INA: variants seen among roughly 807,000 people sequenced by gnomAD.
INA encodes internexin neuronal intermediate filament protein alpha.
Under a neutral mutation model 40.1 loss-of-function variants are expected in INA, and 35 were observed. The observed-to-expected ratio is 0.87, with a 90% CI of 0.67 to 1.16. The LOEUF is 1.16. INA is among the 50% of genes most tolerant of loss of function. The pLI, the probability that INA is intolerant of heterozygous loss-of-function variation, is 0.00. For synonymous variants in INA, 290 were observed against 316.9 expected (o/e 0.92, Z 0.90); for missense variants, 594 against 686.7 (o/e 0.87, Z 1.51).
chr10:103,277,141 C>A lies in INA; in HGVS notation c.-71C>A, dbSNP rs1385765773. On this transcript the variant is annotated 5_prime_UTR_variant, in exon 1 of 3. The change creates a new upstream start codon in the 5' untranslated region. Coordinates refer to ENST00000369849, the MANE Select transcript of INA (RefSeq NM_032727.4). The surrounding 1 kb of genome is among the most constrained non-coding windows in gnomAD (Gnocchi z 5.6). ...GCCGGGCGCACCGCCCCGCCGCGCCCTGCCTGCCGCACCTCTCCTTTCTTC... is the reference window on the plus strand; with the variant it reads ...GCCGGGCGCACCGCCCCGCCGCGCCATGCCTGCCGCACCTCTCCTTTCTTC... 1 of 1,469,264 alleles carries A rather than the reference C, an allele frequency of 6.8e-7. No homozygotes were observed. The highest frequency in any genetic ancestry group is 9.0e-7 in the Non-Finnish European group (1 of 1,117,112). 91.0% of individuals were successfully genotyped at this position (1,469,264 alleles called of 1,614,324 possible).
In INA at chr10:103,278,273, C is replaced by G. The variant is rs762505846; in HGVS notation, c.1062C>G (p.Tyr354Ter). 1 of 1,548,986 alleles carries G rather than the reference C, an allele frequency of 6.5e-7. No individual in the cohort carries two copies. The highest frequency in any genetic ancestry group is 2.0e-5 in the Admixed American group (1 of 51,262). Reference sequence around the variant, plus strand: ...GGCACAGTGCCGAGGTAGCTGGCTACCAGGTAAGGGCCGGGGCTGGGCGTG... The same window carrying G: ...GGCACAGTGCCGAGGTAGCTGGCTAGCAGGTAAGGGCCGGGGCTGGGCGTG... ...EERHSAEVAG[Y>*]QDSIGQLEND... Residue 354 changes from tyrosine (Y) to a stop codon, truncating the protein, a stop_gained, in exon 1 of 3, where the codon TAC becomes TAG. Transcript: ENST00000369849. LOFTEE classifies it high-confidence loss of function. This position sits in a 1 kb window ranked among gnomAD's most constrained non-coding sequence, Gnocchi z 4.9.
intron 1 of INA, among the ~76,000 whole-genome samples, chr10:103,286,335 CAAAAAA>C (rs71019675): frequency 7.7e-5 from 4 of 51,702 alleles, no homozygotes; most frequent in Admixed American, 2.5e-4. Flanking sequence ...GACCTTGTCT[CAAAAAA>C]AAAAAAAAAA....
chr10:103,280,595 G>T, intron 1 of INA: 2 of 985,412 alleles, frequency 2.0e-6, no homozygotes, highest in Non-Finnish European at 2.4e-6. Context: ...ACATAGGAAG[G>T]CCCCATTAAA....
Position 103,277,378 on chromosome 10 carries a change from C to CG in INA, c.169dup (p.Ala57GlyfsTer79). The CG allele has an allele frequency of 6.4e-7, 1 of 1,561,662 alleles. No individual in the cohort carries two copies. Among genetic ancestry groups the CG allele is most frequent in the Non-Finnish European group, 8.6e-7 (1 of 1,161,084 alleles). On this transcript the variant is annotated frameshift_variant, in exon 1 of 3. Coordinates refer to ENST00000369849, the MANE Select transcript of INA (RefSeq NM_032727.4). LOFTEE classifies it high-confidence loss of function. This position sits in a 1 kb window ranked among gnomAD's most constrained non-coding sequence, Gnocchi z 5.6. ...GTGGCCTCCTCGGCCGCCTGCTCCT[C>CG]GGCCTCGTCGCTCGGCCTCGGCCTG... is the stretch of plus-strand genomic sequence containing the variant.
At chr10:103,281,807 C>T (rs2093073051) in intron 1 of INA, among the ~76,000 whole-genome samples, 1 of 152,244 alleles carries the variant, frequency 6.6e-6, no homozygotes, top group Non-Finnish European at 1.5e-5. Context: ...TTCTCTTACT[C>T]CACCCGGCAT....
In INA at chr10:103,290,298, G is replaced by C. The variant is rs775600123; in HGVS notation, c.*1629G>C. The C allele has an allele frequency of 6.6e-6, 1 of 152,168 alleles. No individual in the cohort carries two copies. The highest frequency in any genetic ancestry group is 1.5e-5 in the Non-Finnish European group (1 of 68,040). 9.4% of individuals were successfully genotyped at this position (152,168 alleles called of 1,614,324 possible). On this transcript the variant is annotated 3_prime_UTR_variant, in exon 3 of 3. Coordinates refer to ENST00000369849, the MANE Select transcript of INA (RefSeq NM_032727.4). The stretch of plus-strand genomic sequence containing the variant: ...CCTGTCTTTACTCCTCACACTTACT[G>C]TAAGACATTAGTAACATAATAAATT...
chr10:103,277,272 G>A lies in INA; in HGVS notation c.61G>A (p.Asp21Asn), dbSNP rs1341488942. The A allele has an allele frequency of 8.2e-6, 13 of 1,593,124 alleles. No homozygotes were observed. Among genetic ancestry groups the A allele is most frequent in the Non-Finnish European group, 7.7e-6 (9 of 1,173,938 alleles). Residue 21 changes from aspartate (D) to asparagine (N), a missense_variant, in exon 1 of 3, where the codon GAT becomes AAT. This residue lies in a region of INA where 215 missense variants were observed against 190.6 expected (regional missense o/e 1.13). Coordinates refer to ENST00000369849, the MANE Select transcript of INA (RefSeq NM_032727.4). This position sits in a 1 kb window ranked among gnomAD's most constrained non-coding sequence, Gnocchi z 5.6. ...CTCCTCCTACCGCAAGGTGTTCGGG[G>A]ATGGCTCTCGCCTGTCCGCCCGCCT... ...SSSSYRKVFG[D>N]GSRLSARLSG...
chr10:103,286,563 C>T (rs906972473), intron 1 of INA, among the ~76,000 whole-genome samples: 1 of 152,010 alleles, frequency 6.6e-6, no homozygotes, highest in Admixed American at 6.6e-5. Flanking sequence ...TCCTGGAAAG[C>T]TCTCTGTGCT....
chr10:103,284,356 G>C (rs149663686), intron 1 of INA, among the ~76,000 whole-genome samples: 1 of 152,168 alleles, frequency 6.6e-6, no homozygotes, highest in Non-Finnish European at 1.5e-5. Context: ...TAAATATCCC[G>C]CATTTCACAA....
In INA at chr10:103,289,905, A is replaced by T. The variant is rs2093096079; in HGVS notation, c.*1236A>T. On this transcript the variant is annotated 3_prime_UTR_variant, in exon 3 of 3. Transcript: ENST00000369849. Reference sequence around the variant, plus strand: ...CTCTTTTCTAAAAGACTTCCCTAACACTTACCCCATGGCTGCACAGTTGGT... The same window carrying T: ...CTCTTTTCTAAAAGACTTCCCTAACTCTTACCCCATGGCTGCACAGTTGGT... 3 of 152,590 alleles carry T rather than the reference A, an allele frequency of 2.0e-5. No individual in the cohort carries two copies. The highest frequency in any genetic ancestry group is 7.2e-5 in the African/African-American group (3 of 41,416). 9.5% of individuals were successfully genotyped at this position (152,590 alleles called of 1,614,324 possible).
chr10:103,284,685 T>A (rs1489473356), intron 1 of INA, among the ~76,000 whole-genome samples: 2 of 150,568 alleles, frequency 1.3e-5, no homozygotes, highest in Non-Finnish European at 3.0e-5. Context: ...ACCCAGGTGG[T>A]GGAGGTTGCA....
At chr10:103,285,145 G>T (rs949927774) in intron 1 of INA, among the ~76,000 whole-genome samples, 1 of 151,506 alleles carries the variant, frequency 6.6e-6, no homozygotes, top group African/African-American at 2.4e-5. Flanking sequence ...CACCACGCCC[G>T]GCTAATTTTT....
chr10:103,277,581 G>T lies in INA; in HGVS notation c.370G>T (p.Ala124Ser). Residue 124 changes from alanine to serine, a missense_variant, in exon 1 of 3, where the codon GCC becomes TCC. Ala to Ser is a moderately conservative substitution (Grantham distance 99). Transcript: ENST00000369849. The surrounding 1 kb of genome is among the most constrained non-coding windows in gnomAD (Gnocchi z 5.6). ...QLETQNRALE[A>S]ELAALRQRHA... ...GGAGACGCAGAACCGCGCGTTGGAGGCCGAGCTGGCCGCGCTGCGACAGCG... is the reference window on the plus strand; with the variant it reads ...GGAGACGCAGAACCGCGCGTTGGAGTCCGAGCTGGCCGCGCTGCGACAGCG... The T allele has an allele frequency of 6.4e-7, 1 of 1,562,654 alleles. No homozygotes were observed. The highest frequency in any genetic ancestry group is 8.6e-7 in the Non-Finnish European group (1 of 1,161,222).
intron 2 of INA, among the ~76,000 whole-genome samples, chr10:103,287,976 ACCT>A (rs2093090417): frequency 6.6e-6 from 1 of 151,952 alleles, no homozygotes; most frequent in Non-Finnish European, 1.5e-5. Context: ...TGGACATCTC[ACCT>A]CCTTATCCCT....
At position 103,288,347 on chromosome 10, in the gene INA, G is replaced by T. The variant is rs374156130; in HGVS notation, c.1191-13G>T. On this transcript the variant is annotated splice_polypyrimidine_tract_variant and intron_variant, in intron 2 of 2. Coordinates refer to ENST00000369849, the MANE Select transcript of INA (RefSeq NM_032727.4). ...ATTGACTTCCTAAGAGTTTTTCTCT[G>T]TTGAATTTACAGGAAACTGCTGGAA... 4.6e-5 allele frequency: 73 copies of T among 1,582,670 alleles called. No homozygotes were observed. Among genetic ancestry groups the T allele is most frequent in the Non-Finnish European group, 6.2e-5 (73 of 1,168,188 alleles).
rs1313521134 is a variant in INA, at chr10:103,280,084, A to T, written c.1065+1808A>T. On this transcript the variant is annotated intron_variant, in intron 1 of 2. Coordinates refer to ENST00000369849, the MANE Select transcript of INA (RefSeq NM_032727.4). ...TTATAGCCCATACATTCTAAGAAGT[A>T]GTGACAGTTTTGCCTGGCTTGTTTG... The T allele has an allele frequency of 2.5e-6, 3 of 1,223,780 alleles. No homozygotes were observed. In the African/African-American group the frequency reaches 4.7e-5, roughly 19 times the overall value. The allele number at this position is 1,223,780 out of a possible 1,614,324, so 75.8% of individuals were successfully genotyped here. A position where few individuals can be genotyped will look rare whatever the true frequency, so the allele number is the denominator to read the frequency against.
At chr10:103,283,060 C>A (rs2093076104) in intron 1 of INA, among the ~76,000 whole-genome samples, 1 of 151,900 alleles carries the variant, frequency 6.6e-6, no homozygotes, top group Admixed American at 6.6e-5. Context: ...TCTCAGAACA[C>A]CTTAGAAAAA....
rs931264252 is a variant in INA, at chr10:103,279,485, G to A, written c.1065+1209G>A. Among the ~76,000 whole-genome samples the A allele has an allele frequency of 3.9e-5, 6 of 152,302 alleles. No individual in the cohort carries two copies. In the South Asian group the frequency reaches 6.2e-4, roughly 16 times the overall value. On this transcript the variant is annotated intron_variant, in intron 1 of 2. Coordinates refer to ENST00000369849, the MANE Select transcript of INA (RefSeq NM_032727.4). ...GACCGCAAATGGCACAGAGGCAGGG[G>A]ACAGGGTAAATGGAAGGTGTAGAAA...
chr10:103,283,404 T>A (rs2093076962), intron 1 of INA, among the ~76,000 whole-genome samples: 1 of 152,202 alleles, frequency 6.6e-6, no homozygotes, highest in Non-Finnish European at 1.5e-5. Flanking sequence ...GTAAAATTTC[T>A]TGGTAAAAAT....
Sources: gnomAD v4.1 joint callset for allele counts (sites outside exome capture counted in the v4.1 genomes callset) on GRCh38, gnomAD v4.1.1 for gene constraint, gnomAD v4.1.1 regional missense constraint, Gnocchi (gnomAD v3.1) non-coding constraint, MANE v1.5 for transcripts, NCBI Gene and HGNC (gene_info 2026-07-23, HGNC 2026-07-21) for gene names.